The following CDKN2A variants were observed in gnomAD, a reference collection of about 807,000 sequenced individuals.
CDKN2A encodes cyclin dependent kinase inhibitor 2A.
In CDKN2A, 3 loss-of-function variants were observed where a neutral mutation model predicts 11.1. The ratio of observed to expected loss-of-function variants is 0.27; its 90% CI spans 0.12 to 0.70. The LOEUF (loss-of-function observed/expected upper bound fraction) is 0.70. Ranked by LOEUF, CDKN2A falls within the 30% of genes least tolerant of loss-of-function variation. CDKN2A has a pLI of 0.77. For synonymous variants in CDKN2A, 122 were observed against 108.1 expected (o/e 1.13, Z -0.80); for missense variants, 265 against 233.6 (o/e 1.13, Z -0.88).
exon 2 of CDKN2A, chr9:21,993,990 A>T (rs1365546760): frequency 3.6e-6 from 3 of 832,970 alleles, no homozygotes; most frequent in Non-Finnish European, 5.9e-6. Flanking sequence ...CACATGTCTA[A>T]GTCGTTGTAA....
In CDKN2A at chr9:21,994,148, T is replaced by C. The variant is rs386833400; in HGVS notation, c.-175-95A>G. 1 of 1,601,758 alleles carries C rather than the reference T, an allele frequency of 6.2e-7. No individual in the cohort carries two copies. Among genetic ancestry groups the C allele is most frequent in the Non-Finnish European group, 8.5e-7 (1 of 1,179,846 alleles). On this transcript the variant is annotated intron_variant, in intron 1 of 3. Coordinates refer to the CDKN2A transcript ENST00000494262. ...CGAGGGCCTTTCCTACCTGGTCTTC[T>C]AGGAAGCGGCTGCTGCCCTAGACGC...
chr9:21,969,592 T>A, intron 2 of CDKN2A: 1 of 396,338 alleles, frequency 2.5e-6, no homozygotes, highest in Non-Finnish European at 4.4e-6. Context: ...TAGGTTTGGT[T>A]AAGAGTCGTT....
upstream of CDKN2A, among the ~76,000 whole-genome samples, chr9:21,979,688 T>C (rs541573310): frequency 5.1e-4 from 77 of 152,210 alleles, no homozygotes; most frequent in African/African-American, 1.7e-3. Context: ...GTTAGGAAGT[T>C]TGAGAATCGT....
At chr9:21,994,474 ACCCGCCTTCCCTGAGCGCG>A in intron 1 of CDKN2A, 2 of 1,399,258 alleles carry the variant, frequency 1.4e-6, no homozygotes, top group Non-Finnish European at 1.9e-6. Flanking sequence ...GCAGGCGCGC[ACCCGCCTTCCCTGAGCGCG>A]CCCGCCCCCC....
Position 21,991,192 on chromosome 9 carries a change from A to G in CDKN2A, c.-4+2690T>C, listed in dbSNP as rs924862450. Among the ~76,000 whole-genome samples the G allele has an allele frequency of 6.6e-6, 1 of 152,158 alleles. No individual in the cohort carries two copies. The highest frequency in any genetic ancestry group is 1.5e-5 in the Non-Finnish European group (1 of 68,038). On this transcript the variant is annotated intron_variant, in intron 2 of 3. Coordinates refer to the CDKN2A transcript ENST00000494262. The surrounding 1 kb of genome is among the most constrained non-coding windows in gnomAD (Gnocchi z 5.2). The stretch of plus-strand genomic sequence containing the variant: ...GGGCTTTGCAGCAGATGGAGGAGCT[A>G]GGGCAAGCTTGTCCAACCTGTGGGC...
chr9:21,970,836 T>C, intron 2 of CDKN2A, 66 bp downstream of exon 2: 1 of 1,586,840 alleles, frequency 6.3e-7, no homozygotes, highest in Non-Finnish European at 8.6e-7. Flanking sequence ...CTTTCTGTGC[T>C]GGAAAATGAA....
intron 2 of CDKN2A, among the ~76,000 whole-genome samples, chr9:21,987,170 C>T (rs746049027): frequency 4.3e-4 from 65 of 152,016 alleles, no homozygotes; most frequent in Middle Eastern, 3.4e-3. Flanking sequence ...ATATTTCCCC[C>T]CCCATCACTG....
chr9:21,971,711 G>T (rs1819771562), intron 1 of CDKN2A, among the ~76,000 whole-genome samples: 1 of 151,452 alleles, frequency 6.6e-6, no homozygotes, highest in Non-Finnish European at 1.5e-5. Flanking sequence ...TGGGAATGTT[G>T]AACTTCAATT....
rs1269143117 is a variant in CDKN2A at position 21,988,176 on chromosome 9, CTT to C, written c.-4+5704_-4+5705del. ...CTGAACCTCTATAAAACTTTTCTCT[CTT>C]AAAAAAATCCTACTGCCTTCACAAC... On this transcript the variant is annotated intron_variant, in intron 2 of 3. Transcript: ENST00000494262. This position sits in a 1 kb window ranked among gnomAD's most constrained non-coding sequence, Gnocchi z 4.1. Among the ~76,000 whole-genome samples, 1 of 151,774 alleles carries C rather than the reference CTT, an allele frequency of 6.6e-6. No individual in the cohort carries two copies. Among genetic ancestry groups the C allele is most frequent in the East Asian group, 2.0e-4 (1 of 4,964 alleles).
intron 2 of CDKN2A, among the ~76,000 whole-genome samples, chr9:21,980,692 G>C (rs1453407234): frequency 1.3e-5 from 2 of 151,836 alleles, no homozygotes; most frequent in East Asian, 3.9e-4. Flanking sequence ...AGGCGCGGTG[G>C]CTCACGCCTG....
chr9:21,992,535 A>G (rs1008489465), intron 2 of CDKN2A: 10 of 585,282 alleles, frequency 1.7e-5, no homozygotes, highest in Admixed American at 6.3e-5. Context: ...ATATTTTTGC[A>G]TTTCATGCAT....
intron 2 of CDKN2A, among the ~76,000 whole-genome samples, chr9:21,980,333 C>G (rs1820141374): frequency 6.6e-6 from 1 of 151,952 alleles, no homozygotes; most frequent in African/African-American, 2.4e-5. Flanking sequence ...ACAAAATATA[C>G]ATAGAATATC....
chr9:21,983,684 C>T (rs1383926157), intron 2 of CDKN2A, among the ~76,000 whole-genome samples: 1 of 152,042 alleles, frequency 6.6e-6, no homozygotes, highest in Non-Finnish European at 1.5e-5. Context: ...GCTATGGTTA[C>T]TCAGCTAATA....
Position 21,974,300 on chromosome 9 carries a change from A to C in CDKN2A, c.150+378T>G. ...TAAGAAAGATAAGCTCCATCCAGGT[A>C]TCTGTGAATTGGAGGCTAAGTAGTC... On this transcript the variant is annotated intron_variant, in intron 1 of 2. Transcript: ENST00000304494. The surrounding 1 kb of genome is among the most constrained non-coding windows in gnomAD (Gnocchi z 5.2). The C allele has an allele frequency of 1.2e-6, 1 of 816,968 alleles. No individual in the cohort carries two copies. The highest frequency in any genetic ancestry group is 1.8e-6 in the Non-Finnish European group (1 of 564,288). The allele number at this position is 816,968 out of a possible 1,614,324, so 50.6% of individuals were successfully genotyped here.
chr9:21,974,764 G>T lies in CDKN2A; in HGVS notation c.64C>A (p.Arg22=), dbSNP rs374921006. The T allele has an allele frequency of 1.2e-6, 2 of 1,608,956 alleles. No individual in the cohort carries two copies. The highest frequency in any genetic ancestry group is 8.5e-7 in the Non-Finnish European group (1 of 1,179,282). The change falls in exon 1 of 3, where the codon CGG becomes AGG. Residue 22 remains arginine, a synonymous_variant. Transcript: ENST00000304494. This position sits in a 1 kb window ranked among gnomAD's most constrained non-coding sequence, Gnocchi z 5.2. ...SADWLATAAA[R]GRVEEVRALL... ...GCCCGCACCTCCTCTACCCGACCCCGGGCCGCGGCCGTGGCCAGCCAGTCA... is the reference window on the plus strand; with the variant it reads ...GCCCGCACCTCCTCTACCCGACCCCTGGCCGCGGCCGTGGCCAGCCAGTCA...
intron 1 of CDKN2A, chr9:21,994,608 G>C: frequency 1.7e-6 from 1 of 591,106 alleles, no homozygotes; most frequent in African/African-American, 2.0e-5. Flanking sequence ...GGAGGCGCCC[G>C]TAGGGAGGCG....
At chr9:21,970,687 G>A (rs1819664490) in intron 2 of CDKN2A, 1 of 642,392 alleles carries the variant, frequency 1.6e-6, no homozygotes, top group Middle Eastern at 4.2e-4. Flanking sequence ...TACAAAATGG[G>A]CTTTCACGTG....
At chr9:21,987,586 AT>A (rs3731203) in intron 2 of CDKN2A, among the ~76,000 whole-genome samples, 7 of 152,084 alleles carry the variant, frequency 4.6e-5, no homozygotes, top group Non-Finnish European at 8.8e-5. Flanking sequence ...ATCTTGTTAT[AT>A]TTTTTTCTCT....
At position 21,971,263 on chromosome 9, in the gene CDKN2A, G is replaced by A. The variant is rs868602708; in HGVS notation, c.151-55C>T. On this transcript the variant is annotated intron_variant, in intron 1 of 2. Coordinates refer to ENST00000304494, the MANE Select transcript of CDKN2A (RefSeq NM_000077.5). The stretch of plus-strand genomic sequence containing the variant: ...AGGGTGGGGGCCGGCATGACGGAAA[G>A]GAAGCTTGTGTAGAGCCCCCTCACC... The A allele has an allele frequency of 9.4e-5, 147 of 1,564,794 alleles. No homozygotes were observed. The African/African-American group carries it at 1.6e-3, about 17-fold the overall frequency.
Sources: gnomAD v4.1 joint callset for allele counts (sites outside exome capture counted in the v4.1 genomes callset) on GRCh38, gnomAD v4.1.1 for gene constraint, Gnocchi (gnomAD v3.1) non-coding constraint, MANE v1.5 for transcripts, NCBI Gene and HGNC (gene_info 2026-07-23, HGNC 2026-07-21) for gene names.